The following DAAM1 variants were observed in gnomAD, a reference collection of about 807,000 sequenced individuals.
DAAM1 encodes the protein dishevelled associated activator of morphogenesis 1.
A neutral mutation model predicts 130.0 loss-of-function variants in DAAM1; 52 were observed. That is an observed-to-expected ratio of 0.40 (90% CI 0.32 to 0.50). The LOEUF is 0.50. Ranked by LOEUF, DAAM1 falls within the 20% of genes least tolerant of loss-of-function variation. The pLI, the probability that DAAM1 is intolerant of heterozygous loss-of-function variation, is 0.61. For missense variants in DAAM1, 1,134 were observed against 1,303.8 expected, an observed-to-expected ratio of 0.87 and a Z score of 2.01; for synonymous variants, 452 against 444.5, an observed-to-expected ratio of 1.02 and a Z score of -0.21.
At chr14:59,346,966 G>A (rs1158813667) in intron 16 of DAAM1, among the ~76,000 whole-genome samples, 2 of 152,006 alleles carry the variant, frequency 1.3e-5, no homozygotes, top group African/African-American at 2.4e-5. Flanking sequence ...GGTTACTGTC[G>A]TTTTTTATGT....
intron 12 of DAAM1, among the ~76,000 whole-genome samples, chr14:59,328,006 A>G (rs1478942951): frequency 1.3e-5 from 2 of 152,374 alleles, no homozygotes; most frequent in South Asian, 4.1e-4. Context: ...TCATACTGCC[A>G]GCTACCATGC....
At chr14:59,310,486 G>T (rs901565573) in intron 3 of DAAM1, among the ~76,000 whole-genome samples, 1 of 152,022 alleles carries the variant, frequency 6.6e-6, no homozygotes, top group Non-Finnish European at 1.5e-5. Context: ...ACAATGGATA[G>T]AATTTTTTCA....
At chr14:59,202,455 T>A (rs1211103379) in intron 1 of DAAM1, among the ~76,000 whole-genome samples, 1 of 152,230 alleles carries the variant, frequency 6.6e-6, no homozygotes, top group East Asian at 1.9e-4. Context: ...TACTTGGCAT[T>A]TTATGGACTA....
At chr14:59,294,790 A>G (rs1297366255) in intron 3 of DAAM1, among the ~76,000 whole-genome samples, 3 of 152,242 alleles carry the variant, frequency 2.0e-5, no homozygotes, top group East Asian at 1.9e-4. Flanking sequence ...TTTTTAAACA[A>G]TGAACCATCT....
chr14:59,305,591 C>T (rs1884346979), intron 3 of DAAM1, among the ~76,000 whole-genome samples: 1 of 152,196 alleles, frequency 6.6e-6, no homozygotes, highest in Admixed American at 6.5e-5. Flanking sequence ...ACCAGGTGCA[C>T]ATAAAATGTA....
rs756273904 is a variant in DAAM1, at chr14:59,331,416, C to T, written c.1768C>T (p.Pro590Ser). ...PPPLGAIMPP[P>S]GAPMGLALKK... is the part of the protein sequence containing the mutation. ...TCCCTTAGGGGCAATCATGCCACCT[C>T]CTGGTGCTCCAATGGGCCTAGCACT... The change falls in exon 14 of 25, where the codon CCT becomes TCT. Residue 590 changes from proline (P) to serine (S), a missense_variant. This residue lies in a region of DAAM1 where 644 missense variants were observed against 695.9 expected (regional missense o/e 0.93). Coordinates refer to ENST00000360909, the MANE Select transcript of DAAM1 (RefSeq NM_001270520.2). 4 of 1,613,972 alleles carry T rather than the reference C, an allele frequency of 2.5e-6. No individual in the cohort carries two copies. The highest frequency in any genetic ancestry group is 2.5e-6 in the Non-Finnish European group (3 of 1,180,010).
At chr14:59,227,579 CAT>C (rs1888979208) in intron 1 of DAAM1, among the ~76,000 whole-genome samples, 1 of 152,218 alleles carries the variant, frequency 6.6e-6, no homozygotes. Context: ...GGAGGATTCA[CAT>C]ATAGGCTTGG....
chr14:59,204,925 A>G (rs987017451), intron 1 of DAAM1, among the ~76,000 whole-genome samples: 4 of 152,222 alleles, frequency 2.6e-5, no homozygotes, highest in African/African-American at 9.6e-5. Context: ...ACTCACAAAT[A>G]TGCTTCACGA....
At chr14:59,243,844 A>G (rs1377749183) in intron 1 of DAAM1, among the ~76,000 whole-genome samples, 1 of 152,200 alleles carries the variant, frequency 6.6e-6, no homozygotes, top group South Asian at 2.1e-4. Flanking sequence ...GGAAGTGGAA[A>G]TCTGGCATCT....
chr14:59,240,429 C>T (rs538658535), intron 1 of DAAM1, among the ~76,000 whole-genome samples: 1 of 152,010 alleles, frequency 6.6e-6, no homozygotes, highest in East Asian at 1.9e-4. Flanking sequence ...CTTTATGGGA[C>T]AGAAATCCCA....
At chr14:59,243,342 G>A (rs1292144130) in intron 1 of DAAM1, among the ~76,000 whole-genome samples, 1 of 151,970 alleles carries the variant, frequency 6.6e-6, no homozygotes, top group Non-Finnish European at 1.5e-5. Context: ...ACTTTGTTCT[G>A]GTGCACAGAT....
At chr14:59,339,204 G>C (rs888472083) in intron 15 of DAAM1, among the ~76,000 whole-genome samples, 1 of 152,232 alleles carries the variant, frequency 6.6e-6, no homozygotes, top group African/African-American at 2.4e-5. Flanking sequence ...CTTTATCTTT[G>C]TGTAAAATGT....
At chr14:59,344,748 G>A (rs1566715342) in intron 16 of DAAM1, among the ~76,000 whole-genome samples, 1 of 152,196 alleles carries the variant, frequency 6.6e-6, no homozygotes. Context: ...TCTGGGGGTT[G>A]AGGAGCATAA....
At chr14:59,290,735 TAC>T (rs1183156177) in intron 2 of DAAM1, among the ~76,000 whole-genome samples, 1 of 152,200 alleles carries the variant, frequency 6.6e-6, no homozygotes, top group African/African-American at 2.4e-5. Flanking sequence ...TTGTCCCACA[TAC>T]ACACTGTCTG....
chr14:59,293,095 T>C (rs1883813540), intron 3 of DAAM1, among the ~76,000 whole-genome samples: 1 of 152,190 alleles, frequency 6.6e-6, no homozygotes, highest in African/African-American at 2.4e-5. Flanking sequence ...GTTGCGGGTA[T>C]ACACAGAGGA....
intron 1 of DAAM1, among the ~76,000 whole-genome samples, chr14:59,190,616 C>T (rs369779017): frequency 1.1e-4 from 17 of 152,306 alleles, no homozygotes; most frequent in African/African-American, 4.1e-4. Flanking sequence ...CATGCAGGGC[C>T]ATAACCAGGA....
chr14:59,365,293 G>T (rs1886873632), intron 23 of DAAM1, among the ~76,000 whole-genome samples: 1 of 152,142 alleles, frequency 6.6e-6, no homozygotes. Flanking sequence ...GATCACTCAG[G>T]ATGGCTTGAA....
At chr14:59,353,282 A>C (rs1886357296) in intron 18 of DAAM1, among the ~76,000 whole-genome samples, 1 of 152,224 alleles carries the variant, frequency 6.6e-6, no homozygotes, top group South Asian at 2.1e-4. Flanking sequence ...TGGTCCTGAA[A>C]CTTTCAGTGA....
rs529156746 is a variant in DAAM1, at chr14:59,328,470, C to T, written c.1372+1479C>T. ...GGAGAGCACTTAGGATGTAAGCTTTCGAGTCATTCATTCATTCGTTCATTC... is the reference window on the plus strand; with the variant it reads ...GGAGAGCACTTAGGATGTAAGCTTTTGAGTCATTCATTCATTCGTTCATTC... On this transcript the variant is annotated intron_variant, in intron 12 of 24. Coordinates refer to ENST00000360909, the MANE Select transcript of DAAM1 (RefSeq NM_001270520.2). Among the ~76,000 whole-genome samples the T allele has an allele frequency of 3.3e-5, 5 of 152,236 alleles. No individual in the cohort carries two copies. In the East Asian group the frequency reaches 5.8e-4, roughly 18 times the overall value.
Sources: allele counts gnomAD v4.1 joint callset (sites outside exome capture counted in the v4.1 genomes callset), GRCh38; gene constraint gnomAD v4.1.1; regional missense constraint gnomAD v4.1.1; transcripts MANE v1.5; gene names NCBI Gene and HGNC (gene_info 2026-07-23, HGNC 2026-07-21).